Variants in SEMA3A observed in about 807,000 individuals in gnomAD.
The protein encoded by SEMA3A is semaphorin-3A.
In SEMA3A, 29 loss-of-function variants were observed where a neutral mutation model predicts 97.9. The observed-to-expected ratio is 0.30, with a 90% CI of 0.22 to 0.40. The LOEUF is 0.40. Among genes scored for constraint, SEMA3A ranks in the 10% least tolerant of loss-of-function variants. The pLI, the probability that SEMA3A is intolerant of heterozygous loss-of-function variation, is 1.00. For missense variants in SEMA3A, 763 were observed against 951.3 expected, an observed-to-expected ratio of 0.80 and a Z score of 2.60; for synonymous variants, 321 against 323.7, an observed-to-expected ratio of 0.99 and a Z score of 0.09.
At chr7:84,152,698 A>AAAT in intron 1 of SEMA3A, among the ~76,000 whole-genome samples, 1 of 151,618 alleles carries the variant, frequency 6.6e-6, no homozygotes, top group Middle Eastern at 3.4e-3. Flanking sequence ...ATAATAATAA[A>AAAT]AAATAAATAA....
intron 3 of SEMA3A, among the ~76,000 whole-genome samples, chr7:84,290,069 T>C (rs1393629220): frequency 6.6e-6 from 1 of 152,094 alleles, no homozygotes; most frequent in Non-Finnish European, 1.5e-5. Flanking sequence ...CAGGCAAGAA[T>C]TTGATTAGTG....
chr7:84,249,944 T>TA (rs199637096), intron 3 of SEMA3A, among the ~76,000 whole-genome samples: 1 of 150,582 alleles, frequency 6.6e-6, no homozygotes, highest in Admixed American at 6.6e-5. Context: ...TTTTTTTTTT[T>TA]ACTCTGAGAC....
chr7:83,979,722 C>T (rs929845829), intron 14 of SEMA3A, among the ~76,000 whole-genome samples: 1 of 151,996 alleles, frequency 6.6e-6, no homozygotes, highest in Non-Finnish European at 1.5e-5. Context: ...TATAATACTG[C>T]GTATACATTT....
At chr7:84,118,262 A>C (rs546234244) in intron 3 of SEMA3A, among the ~76,000 whole-genome samples, 10 of 152,210 alleles carry the variant, frequency 6.6e-5, no homozygotes, top group African/African-American at 1.4e-4. Context: ...AATTATAATC[A>C]CTCTTGTTAT....
At chr7:84,387,140 T>C (rs773669477) in intron 1 of SEMA3A, among the ~76,000 whole-genome samples, 2 of 152,178 alleles carry the variant, frequency 1.3e-5, no homozygotes, top group Non-Finnish European at 2.9e-5. Flanking sequence ...TTAGCTTTAA[T>C]TTGGAAATGC....
chr7:84,158,323 T>G (rs1286013611), intron 1 of SEMA3A, among the ~76,000 whole-genome samples: 1 of 151,664 alleles, frequency 6.6e-6, no homozygotes, highest in Non-Finnish European at 1.5e-5. Context: ...CCGGGCTAAT[T>G]TTTGTATTGT....
chr7:84,313,626 G>A (rs1801420876), intron 2 of SEMA3A, among the ~76,000 whole-genome samples: 1 of 151,076 alleles, frequency 6.6e-6, no homozygotes, highest in Admixed American at 6.6e-5. Context: ...ATTGGTATTT[G>A]TCATTACTTT....
chr7:84,160,854 T>C (rs1030383498), intron 1 of SEMA3A, among the ~76,000 whole-genome samples: 6 of 151,988 alleles, frequency 3.9e-5, no homozygotes, highest in African/African-American at 1.4e-4. Flanking sequence ...CACTCCAGCC[T>C]GGGCAACAAG....
intron 15 of SEMA3A, among the ~76,000 whole-genome samples, chr7:83,974,620 C>G (rs1047373035): frequency 3.3e-5 from 5 of 152,104 alleles, no homozygotes; most frequent in African/African-American, 4.8e-5. Context: ...GATTTTTGCC[C>G]ATTTTACTTT....
At chr7:84,210,661 T>G (rs747346838) in intron 3 of SEMA3A, among the ~76,000 whole-genome samples, 6 of 152,094 alleles carry the variant, frequency 3.9e-5, no homozygotes, top group Non-Finnish European at 8.8e-5. Flanking sequence ...ATGGTTGCAG[T>G]GTGGAGTGAT....
Position 83,959,069 on chromosome 7 carries a change from A to G in SEMA3A, c.*2302T>C, listed in dbSNP as rs912053894. 1 of 152,096 alleles carries G rather than the reference A, an allele frequency of 6.6e-6. No homozygotes were observed. The highest frequency in any genetic ancestry group is 1.9e-4 in the East Asian group (1 of 5,192). 9.4% of individuals were successfully genotyped at this position (152,096 alleles called of 1,614,324 possible). Reference sequence around the variant, plus strand: ...TTTGAAAACTTAGACCTGATGGTATATAAAGACATGCCTGTAGATTTGTTT... The same window carrying G: ...TTTGAAAACTTAGACCTGATGGTATGTAAAGACATGCCTGTAGATTTGTTT... On this transcript the variant is annotated 3_prime_UTR_variant, in exon 17 of 17. Transcript: ENST00000265362.
intron 3 of SEMA3A, among the ~76,000 whole-genome samples, chr7:84,210,528 A>C (rs1798601638): frequency 6.6e-6 from 1 of 152,186 alleles, no homozygotes; most frequent in Admixed American, 6.5e-5. Context: ...AGAAATCAGC[A>C]GGGGCCTAAT....
chr7:84,152,226 TA>T (rs1231870619), intron 1 of SEMA3A, among the ~76,000 whole-genome samples: 1 of 150,920 alleles, frequency 6.6e-6, no homozygotes, highest in Non-Finnish European at 1.5e-5. Context: ...CATGCTGCTA[TA>T]AAGACACATG....
intron 4 of SEMA3A, among the ~76,000 whole-genome samples, chr7:84,106,139 A>G (rs1004644032): frequency 6.6e-6 from 1 of 152,158 alleles, no homozygotes; most frequent in Non-Finnish European, 1.5e-5. Context: ...GGAATACGCT[A>G]TTCAGGAGTG....
intron 3 of SEMA3A, among the ~76,000 whole-genome samples, chr7:84,270,759 T>C (rs1476600383): frequency 2.0e-5 from 3 of 151,230 alleles, no homozygotes; most frequent in Non-Finnish European, 2.9e-5. Flanking sequence ...ATAAGTGTTA[T>C]TGGTTTTAAG....
chr7:84,441,790 G>A (rs1351495118), intron 1 of SEMA3A, among the ~76,000 whole-genome samples: 3 of 152,146 alleles, frequency 2.0e-5, no homozygotes, highest in Non-Finnish European at 4.4e-5. Context: ...AAGTAAAATA[G>A]ATGTGACTGG....
At chr7:84,006,569 A>G (rs1790678416) in intron 10 of SEMA3A, among the ~76,000 whole-genome samples, 1 of 152,206 alleles carries the variant, frequency 6.6e-6, no homozygotes, top group African/African-American at 2.4e-5. Context: ...CAAAAATGAC[A>G]AATTAAGATT....
intron 6 of SEMA3A, among the ~76,000 whole-genome samples, chr7:84,038,736 A>G (rs1352137142): frequency 6.6e-6 from 1 of 152,166 alleles, no homozygotes; most frequent in Non-Finnish European, 1.5e-5. Flanking sequence ...AAAAAAATTT[A>G]ATGGAGAATT....
rs542798350 is a variant in SEMA3A at position 84,313,344 on chromosome 7, A to G, written c.-168-6052T>C. On this transcript the variant is annotated intron_variant, in intron 2 of 3. Transcript: ENST00000424555. ...GTATATAATACATATATATATATGT[A>G]TATGTGTGTGTGTATATATATATAT... Among the ~76,000 whole-genome samples, 216 of 41,882 alleles carry G rather than the reference A, an allele frequency of 5.2e-3. 5 individuals are homozygous for G. Among genetic ancestry groups the G allele is most frequent in the African/African-American group, 0.02 (207 of 10,462 alleles). 27.5% of individuals were successfully genotyped at this position (41,882 alleles called of 152,430 possible). A position where few individuals can be genotyped will look rare whatever the true frequency, so the allele number is the denominator to read the frequency against.
Sources: allele counts gnomAD v4.1 joint callset (sites outside exome capture counted in the v4.1 genomes callset), GRCh38; gene constraint gnomAD v4.1.1; transcripts MANE v1.5; gene names NCBI Gene and HGNC (gene_info 2026-07-23, HGNC 2026-07-21).